SPATA31F1: variants seen among roughly 807,000 people sequenced by gnomAD.
The protein encoded by SPATA31F1 is SPATA31 subfamily F member 1.
chr9:34,728,211 G>T, the SPATA31F1 span: 6 of 741,570 alleles, frequency 8.1e-6, no homozygotes, highest in Non-Finnish European at 8.8e-6. Flanking sequence ...GTACTCTAAG[G>T]CATGTCTGAG....
the SPATA31F1 span, chr9:34,725,932 G>C: frequency 6.4e-7 from 1 of 1,551,402 alleles, no homozygotes; most frequent in Non-Finnish European, 8.7e-7. Flanking sequence ...GCAGAGAAGG[G>C]AGCCCACAGA....
the SPATA31F1 span, chr9:34,724,280 C>T: frequency 5.2e-6 from 8 of 1,551,368 alleles, no homozygotes; most frequent in Admixed American, 3.9e-5. Context: ...GTGGGCAGAA[C>T]CCTGGGGTAC....
At chr9:34,724,923 G>C in the SPATA31F1 span, 5 of 1,551,164 alleles carry the variant, frequency 3.2e-6, no homozygotes, top group South Asian at 5.9e-5. Context: ...GTTGTCTCCA[G>C]TTTCTCAATG....
chr9:34,726,869 T>C, the SPATA31F1 span: 2 of 1,551,714 alleles, frequency 1.3e-6, no homozygotes. Flanking sequence ...CAGGGAGATC[T>C]GGTTGTTCTC....
the SPATA31F1 span, chr9:34,729,384 A>G: frequency 1.9e-6 from 3 of 1,551,570 alleles, no homozygotes; most frequent in Non-Finnish European, 1.7e-6. Context: ...ATAGATGTAT[A>G]AGGGATATCC....
chr9:34,727,307 G>GTT, the SPATA31F1 span, among the ~76,000 whole-genome samples: 1 of 152,220 alleles, frequency 6.6e-6, no homozygotes, highest in South Asian at 2.1e-4. Context: ...GAGCTAGGCA[G>GTT]TTAGCTGATG....
At chr9:34,728,391 C>G in the SPATA31F1 span, among the ~76,000 whole-genome samples, 1 of 152,218 alleles carries the variant, frequency 6.6e-6, no homozygotes, top group Admixed American at 6.5e-5. Context: ...TTAAGAACAT[C>G]TGCTCTACTT....
At chr9:34,726,663 C>T in the SPATA31F1 span, 1 of 1,551,642 alleles carries the variant, frequency 6.4e-7, no homozygotes, top group Non-Finnish European at 8.7e-7. Context: ...TCTTGTATGC[C>T]ATCTGCATAC....
the SPATA31F1 span, chr9:34,728,036 G>A: frequency 9.0e-6 from 14 of 1,552,082 alleles, no homozygotes; most frequent in African/African-American, 1.9e-4. Context: ...TAATGATGGA[G>A]AGCAGCTTCT....
chr9:34,728,550 C>G, the SPATA31F1 span: 6 of 1,510,642 alleles, frequency 4.0e-6, no homozygotes, highest in Non-Finnish European at 5.4e-6. Flanking sequence ...CACAGAGGGA[C>G]AGGATTCATG....
chr9:34,723,254 T>G, the SPATA31F1 span: 393 of 1,551,638 alleles, frequency 2.5e-4, 2 homozygotes, highest in African/African-American at 4.5e-3. Flanking sequence ...CCCTGGTTTG[T>G]TGGCACAAGC....
chr9:34,723,619 T>C, the SPATA31F1 span: 20 of 1,551,796 alleles, frequency 1.3e-5, no homozygotes, highest in Admixed American at 7.8e-5. Context: ...AGCTAGACTC[T>C]GTAAGGCTGG....
the SPATA31F1 span, chr9:34,729,133 G>T: frequency 2.0e-6 from 2 of 983,616 alleles, no homozygotes; most frequent in Non-Finnish European, 1.5e-6. Flanking sequence ...GCCTGGTAAG[G>T]AATTATAGTC....
At chr9:34,727,494 C>T in the SPATA31F1 span, among the ~76,000 whole-genome samples, 1 of 152,192 alleles carries the variant, frequency 6.6e-6, no homozygotes, top group African/African-American at 2.4e-5. Context: ...CGGAACCAGT[C>T]CTGTTCTCTA....
the SPATA31F1 span, chr9:34,725,135 C>T: frequency 9.1e-6 from 14 of 1,546,874 alleles, no homozygotes; most frequent in Non-Finnish European, 1.1e-5. Context: ...AGAAATTCTG[C>T]AGTCCCAGGA....
chr9:34,723,630 G>C, the SPATA31F1 span: 1 of 1,551,722 alleles, frequency 6.4e-7, no homozygotes, highest in East Asian at 2.4e-5. Flanking sequence ...GTAAGGCTGG[G>C]CTTCTTTTGA....
chr9:34,727,056 G>C, the SPATA31F1 span: 1 of 1,497,136 alleles, frequency 6.7e-7, no homozygotes, highest in Non-Finnish European at 8.9e-7. Context: ...GTGTGGGCTG[G>C]AGTGGGCACT....
the SPATA31F1 span, chr9:34,724,269 A>T: frequency 6.4e-7 from 1 of 1,551,440 alleles, no homozygotes; most frequent in South Asian, 1.2e-5. Context: ...TTGGAGACCG[A>T]GTGGGCAGAA....
chr9:34,723,832 C>G, the SPATA31F1 span: 4 of 1,551,714 alleles, frequency 2.6e-6, no homozygotes, highest in Non-Finnish European at 2.6e-6. Context: ...CTTGCAGGTC[C>G]TTCTCAGACT....
Sources: gnomAD v4.1 joint callset for allele counts (sites outside exome capture counted in the v4.1 genomes callset) on GRCh38, gnomAD v4.1.1 for gene constraint, MANE v1.5 for transcripts, NCBI Gene and HGNC (gene_info 2026-07-23, HGNC 2026-07-21) for gene names.